BIK: variants seen among roughly 807,000 people sequenced by gnomAD.
The protein encoded by BIK is bcl-2-interacting killer.
A neutral mutation model predicts 12.1 loss-of-function variants in BIK; 14 were observed. The observed-to-expected ratio is 1.16, with a 90% confidence interval of 0.77 to 1.81. The LOEUF (loss-of-function observed/expected upper bound fraction) is 1.81. Ranked by LOEUF, BIK falls within the 40% of genes most tolerant of loss-of-function variation. BIK has a pLI of 0.00. For missense variants in BIK, 215 were observed against 207.9 expected (o/e 1.03, Z -0.21); for synonymous variants, 86 against 92.3 (o/e 0.93, Z 0.39).
chr22:43,120,237 G>A (rs151192727), intron 1 of BIK, among the ~76,000 whole-genome samples: 5 of 152,340 alleles, frequency 3.3e-5, no homozygotes, highest in Admixed American at 2.0e-4. Flanking sequence ...ACCCAGGTTG[G>A]AGTGCAATGG....
chr22:43,129,561 G>C lies in BIK; in HGVS notation c.*256G>C. On this transcript the variant is annotated 3_prime_UTR_variant, in exon 5 of 5. Transcript: ENST00000216115. ...CCGGTTAACTGTGGCCTGTGCCCAG[G>C]AAGAGCCATTCACTCCTGCCCCTGC... 1.7e-6 allele frequency: 1 copy of C among 604,032 alleles called. No homozygotes were observed. The highest frequency in any genetic ancestry group is 2.2e-5 in the South Asian group (1 of 45,498). 37.4% of individuals were successfully genotyped at this position (604,032 alleles called of 1,614,324 possible). A position where few individuals can be genotyped will look rare whatever the true frequency, so the allele number is the denominator to read the frequency against.
chr22:43,120,101 T>C (rs1569465775), intron 1 of BIK, among the ~76,000 whole-genome samples: 1 of 152,228 alleles, frequency 6.6e-6, no homozygotes, highest in Non-Finnish European at 1.5e-5. Flanking sequence ...GCACCATCCA[T>C]GGAAAGCATA....
chr22:43,122,489 C>T (rs919686282), intron 1 of BIK, among the ~76,000 whole-genome samples: 6 of 152,148 alleles, frequency 3.9e-5, no homozygotes, highest in Non-Finnish European at 7.3e-5. Flanking sequence ...TGCTAACTGC[C>T]AGAGCCGGGC....
At chr22:43,124,316 CG>C (rs1930274248) in intron 2 of BIK, 133 bp downstream of exon 2, 1 of 1,115,308 alleles carries the variant, frequency 9.0e-7, no homozygotes, top group African/African-American at 1.6e-5. Flanking sequence ...GAAGATTTCC[CG>C]GATGTGGGCA....
At chr22:43,129,071 T>C in intron 4 of BIK, 142 bp from the exon 5 acceptor site, 1 of 1,464,698 alleles carries the variant, frequency 6.8e-7, no homozygotes. Context: ...CCCCCTCTCC[T>C]GAACTCCTTC....
At chr22:43,123,387 A>T (rs1381291590) in intron 1 of BIK, among the ~76,000 whole-genome samples, 1 of 152,068 alleles carries the variant, frequency 6.6e-6, no homozygotes. Context: ...TTCTGCTTTG[A>T]CAGGTTCTTG....
At chr22:43,113,680 T>C (rs1930055262) in intron 1 of BIK, among the ~76,000 whole-genome samples, 1 of 152,200 alleles carries the variant, frequency 6.6e-6, no homozygotes, top group African/African-American at 2.4e-5. Context: ...AAGGGCTTGA[T>C]TGGCCAGTGA....
chr22:43,123,487 G>T (rs899197398), intron 1 of BIK, among the ~76,000 whole-genome samples: 1 of 152,208 alleles, frequency 6.6e-6, no homozygotes, highest in Non-Finnish European at 1.5e-5. Flanking sequence ...GGTGGCTCAT[G>T]TCTGTCGTCC....
chr22:43,128,196 T>C (rs1243121621), intron 3 of BIK, among the ~76,000 whole-genome samples: 1 of 151,836 alleles, frequency 6.6e-6, no homozygotes, highest in East Asian at 1.9e-4. Context: ...GTGAGGGCCC[T>C]GTAGAATGGG....
chr22:43,121,195 C>CA (rs976835061), intron 1 of BIK, among the ~76,000 whole-genome samples: 1 of 151,834 alleles, frequency 6.6e-6, no homozygotes, highest in Non-Finnish European at 1.5e-5. Context: ...AACAAACAAA[C>CA]AAAAAAACAC....
intron 1 of BIK, among the ~76,000 whole-genome samples, chr22:43,117,311 G>A (rs1930134072): frequency 6.7e-6 from 1 of 150,070 alleles, no homozygotes; most frequent in African/African-American, 2.5e-5. Flanking sequence ...AAAGTGAGCT[G>A]TCTTTTTTTT....
intron 1 of BIK, among the ~76,000 whole-genome samples, chr22:43,117,131 C>T (rs1354018685): frequency 6.6e-6 from 1 of 152,114 alleles, no homozygotes; most frequent in Non-Finnish European, 1.5e-5. Context: ...ATCTTGAAGC[C>T]GGATGCGGCA....
At chr22:43,121,226 T>C (rs1930213205) in intron 1 of BIK, among the ~76,000 whole-genome samples, 2 of 151,574 alleles carry the variant, frequency 1.3e-5, no homozygotes, top group Admixed American at 6.6e-5. Context: ...AAAAACACAA[T>C]AGATGGGGAA....
intron 1 of BIK, among the ~76,000 whole-genome samples, chr22:43,123,080 G>T (rs1930248433): frequency 6.6e-6 from 1 of 152,230 alleles, no homozygotes; most frequent in Non-Finnish European, 1.5e-5. Context: ...ATGGATATCG[G>T]AGAGGTAAAT....
intron 1 of BIK, among the ~76,000 whole-genome samples, chr22:43,113,235 G>T (rs1189375194): frequency 6.6e-6 from 1 of 152,152 alleles, no homozygotes; most frequent in Non-Finnish European, 1.5e-5. Context: ...TCAAATGGTA[G>T]ATCCCCAGTG....
rs749746088 is a variant in BIK at position 43,129,623 on chromosome 22, C to T, written c.*318C>T. ...GTAGCAGGGGGAGTGCTGGTCACACCCCTGTGTGATATGTGATGCCCTCGG... is the reference window on the plus strand; with the variant it reads ...GTAGCAGGGGGAGTGCTGGTCACACTCCTGTGTGATATGTGATGCCCTCGG... On this transcript the variant is annotated 3_prime_UTR_variant, in exon 5 of 5. Transcript: ENST00000216115. 41 of 410,746 alleles carry T rather than the reference C, an allele frequency of 1.0e-4. No homozygotes were observed. The highest frequency in any genetic ancestry group is 1.5e-4 in the Non-Finnish European group (35 of 230,136). 25.4% of individuals were successfully genotyped at this position (410,746 alleles called of 1,614,324 possible).
chr22:43,127,006 C>A (rs985530958), intron 2 of BIK, among the ~76,000 whole-genome samples: 1 of 152,124 alleles, frequency 6.6e-6, no homozygotes, highest in Non-Finnish European at 1.5e-5. Flanking sequence ...CCTGGGAGTT[C>A]CCCCGGTGTA....
intron 1 of BIK, among the ~76,000 whole-genome samples, chr22:43,121,739 C>T (rs953874284): frequency 2.0e-5 from 3 of 152,200 alleles, no homozygotes; most frequent in African/African-American, 4.8e-5. Context: ...GTTCTGGACA[C>T]AGTTCTTCTA....
chr22:43,117,501 T>C lies in BIK; in HGVS notation c.-7-6515T>C, dbSNP rs564201349. 4.0e-5 allele frequency among the ~76,000 whole-genome samples: 6 copies of C among 150,528 alleles called. No individual in the cohort carries two copies. In the South Asian group the frequency reaches 8.5e-4, roughly 21 times the overall value. ...CTCCTGCCTCAGCCTCCCGAGTAGC[T>C]GGGACTACAGGCGCCCGCCACCACG... On this transcript the variant is annotated intron_variant, in intron 1 of 4. Transcript: ENST00000216115.
Sources: allele counts gnomAD v4.1 joint callset (sites outside exome capture counted in the v4.1 genomes callset), GRCh38; gene constraint gnomAD v4.1.1; transcripts MANE v1.5; gene names NCBI Gene and HGNC (gene_info 2026-07-23, HGNC 2026-07-21).